The following UNC13C variants were observed in gnomAD, a reference collection of about 807,000 sequenced individuals.
UNC13C encodes unc-13 homolog C, also known as protein unc-13 homolog C.
Under a neutral mutation model 245.4 loss-of-function variants are expected in UNC13C, and 174 were observed. The observed-to-expected ratio is 0.71, with a 90% CI of 0.63 to 0.80. The LOEUF is 0.80. Among genes scored for constraint, UNC13C ranks in the 30% least tolerant of loss-of-function variants. The pLI, the probability that UNC13C is intolerant of heterozygous loss-of-function variation, is 0.00. For missense variants in UNC13C, 2,829 were observed against 2,602.9 expected, an observed-to-expected ratio of 1.09 and a Z score of -1.89; for synonymous variants, 992 against 895.1, an observed-to-expected ratio of 1.11 and a Z score of -1.93.
At position 54,013,727 on chromosome 15, in the gene UNC13C, A is replaced by T. The variant is rs960873048; in HGVS notation, c.824A>T (p.Asp275Val). 1 of 1,612,894 alleles carries T rather than the reference A, an allele frequency of 6.2e-7. No homozygotes were observed. The highest frequency in any genetic ancestry group is 1.3e-5 in the African/African-American group (1 of 74,844). Residue 275 changes from aspartate (D) to valine (V), a missense_variant, in exon 2 of 33, where the codon GAT becomes GTT. By Grantham distance (152) the Asp-to-Val change is radical. Coordinates refer to ENST00000260323, the MANE Select transcript of UNC13C (RefSeq NM_001080534.3). ...GTCAATGCTCTCAAGCACTCCATCG[A>T]TGAGATCTCCAGCAGTGTGGAGGTT... Reference protein sequence around the residue: ...GHVNALKHSIDEISSSVEVVQ... With the variant: ...GHVNALKHSIVEISSSVEVVQ...
At chr15:53,848,753 A>G in the UNC13C span, among the ~76,000 whole-genome samples, 4 of 152,130 alleles carry the variant, frequency 2.6e-5, no homozygotes, top group Non-Finnish European at 4.4e-5. Flanking sequence ...TTTGGTTTCA[A>G]CATAATTATG....
At chr15:54,092,160 C>T (rs1781136893) in intron 2 of UNC13C, among the ~76,000 whole-genome samples, 1 of 152,146 alleles carries the variant, frequency 6.6e-6, no homozygotes, top group South Asian at 2.1e-4. Context: ...GATGTGAGAT[C>T]CCAGAAGGCT....
chr15:53,954,309 G>A, the UNC13C span, among the ~76,000 whole-genome samples: 243 of 152,272 alleles, frequency 1.6e-3, 1 homozygote, highest in South Asian at 0.014. Flanking sequence ...TGAGAGAAGA[G>A]ACAATGTTTC....
chr15:54,190,652 T>C (rs2141324338), intron 4 of UNC13C, among the ~76,000 whole-genome samples: 1 of 152,238 alleles, frequency 6.6e-6, no homozygotes, highest in South Asian at 2.1e-4. Context: ...TGAGGGACAG[T>C]AAGTTGTTTC....
chr15:54,200,511 AG>A (rs1313685598), intron 4 of UNC13C, among the ~76,000 whole-genome samples: 2 of 151,624 alleles, frequency 1.3e-5, no homozygotes. Context: ...TAAAATAAAA[AG>A]AAAGGAACCC....
chr15:54,101,563 T>C (rs1274874013), intron 2 of UNC13C, among the ~76,000 whole-genome samples: 1 of 152,058 alleles, frequency 6.6e-6, no homozygotes, highest in Admixed American at 6.5e-5. Context: ...GTTCATTCTA[T>C]TTGCTCCTCC....
At chr15:54,029,781 A>G (rs1458428322) in intron 2 of UNC13C, among the ~76,000 whole-genome samples, 1 of 152,154 alleles carries the variant, frequency 6.6e-6, no homozygotes, top group Non-Finnish European at 1.5e-5. Flanking sequence ...CCGGGACCCT[A>G]TGCGGCCCTA....
chr15:53,844,350 A>T, the UNC13C span, among the ~76,000 whole-genome samples: 1,781 of 152,332 alleles, frequency 0.012, 31 homozygotes, highest in African/African-American at 0.041. Flanking sequence ...AGCAGATTTT[A>T]TTCAGACTAC....
chr15:54,090,890 G>A (rs1355932927), intron 2 of UNC13C, among the ~76,000 whole-genome samples: 2 of 152,114 alleles, frequency 1.3e-5, no homozygotes, highest in East Asian at 3.9e-4. Context: ...TGGTGTAACT[G>A]GCACATGTCA....
intron 4 of UNC13C, among the ~76,000 whole-genome samples, chr15:54,178,161 T>C (rs1320422870): frequency 6.6e-6 from 1 of 152,192 alleles, no homozygotes; most frequent in Non-Finnish European, 1.5e-5. Flanking sequence ...GTTTTCAATC[T>C]ATACAATCCT....
the UNC13C span, among the ~76,000 whole-genome samples, chr15:53,844,872 T>C: frequency 5.3e-5 from 8 of 152,202 alleles, no homozygotes; most frequent in East Asian, 9.7e-4. Flanking sequence ...ATGCTAGAGG[T>C]TGGACAAGGA....
the UNC13C span, among the ~76,000 whole-genome samples, chr15:53,947,136 A>C: frequency 6.6e-6 from 1 of 152,190 alleles, no homozygotes; most frequent in Non-Finnish European, 1.5e-5. Flanking sequence ...TATGTAACCA[A>C]TTAGCAAGCC....
chr15:54,501,112 G>T, intron 22 of UNC13C, 134 bp downstream of exon 22: 1 of 838,296 alleles, frequency 1.2e-6, no homozygotes, highest in Non-Finnish European at 1.8e-6. Flanking sequence ...AAATTCAGTT[G>T]TTTCCAGGAT....
chr15:54,124,033 T>C (rs2030862061), intron 2 of UNC13C, among the ~76,000 whole-genome samples: 2 of 152,186 alleles, frequency 1.3e-5, no homozygotes, highest in Non-Finnish European at 2.9e-5. Flanking sequence ...CAATAGTTCA[T>C]TTATTTTTAC....
At chr15:54,094,969 C>A (rs1239147874) in intron 2 of UNC13C, among the ~76,000 whole-genome samples, 1 of 152,202 alleles carries the variant, frequency 6.6e-6, no homozygotes, top group Non-Finnish European at 1.5e-5. Context: ...CAGCATCTTT[C>A]TGGTGAGGTA....
In UNC13C at chr15:53,990,894, T is replaced by C. The variant is rs568991650; in HGVS notation, c.-257+11967T>C. Among the ~76,000 whole-genome samples the C allele has an allele frequency of 5.3e-5, 8 of 152,184 alleles. No homozygotes were observed. The East Asian group carries it at 1.2e-3, about 22-fold the overall frequency. ...TAAAAACCATATGATTTATCCACCT[T>C]GTCTCCTGATAGAAGGAGACCCCCT... On this transcript the variant is annotated intron_variant, in intron 1 of 32. Transcript: ENST00000260323.
intron 17 of UNC13C, among the ~76,000 whole-genome samples, chr15:54,358,761 AG>A (rs2039158249): frequency 6.6e-6 from 1 of 152,024 alleles, no homozygotes; most frequent in African/African-American, 2.4e-5. Flanking sequence ...GTCCTCAAAC[AG>A]GGATAATTTG....
intron 19 of UNC13C, among the ~76,000 whole-genome samples, chr15:54,445,842 G>T (rs968858779): frequency 6.6e-6 from 1 of 152,158 alleles, no homozygotes; most frequent in African/African-American, 2.4e-5. Context: ...ATTGCTTTTG[G>T]TGTTTTAGAC....
chr15:54,466,631 G>C (rs546272955), intron 19 of UNC13C, among the ~76,000 whole-genome samples: 65 of 151,864 alleles, frequency 4.3e-4, no homozygotes, highest in Non-Finnish European at 6.2e-4. Flanking sequence ...AATTATATAT[G>C]TGATTATTCT....
Sources: allele counts gnomAD v4.1 joint callset (sites outside exome capture counted in the v4.1 genomes callset), GRCh38; gene constraint gnomAD v4.1.1; transcripts MANE v1.5; gene names NCBI Gene and HGNC (gene_info 2026-07-23, HGNC 2026-07-21).